Variants in SLC35F4 observed in about 807,000 individuals in gnomAD.
SLC35F4 encodes the protein chromosome 14 open reading frame 36.
A neutral mutation model predicts 44.2 loss-of-function variants in SLC35F4; 24 were observed. The observed-to-expected ratio is 0.54, with a 90% CI of 0.39 to 0.76. SLC35F4 has a LOEUF of 0.76. SLC35F4 is among the 30% of genes least tolerant of loss of function. The pLI is 0.00. For synonymous variants in SLC35F4, 238 were observed against 223.6 expected, an observed-to-expected ratio of 1.06 and a Z score of -0.57; for missense variants, 562 against 586.1, an observed-to-expected ratio of 0.96 and a Z score of 0.42.
At chr14:57,786,536 C>G (rs1183609984) in intron 1 of SLC35F4, among the ~76,000 whole-genome samples, 1 of 152,178 alleles carries the variant, frequency 6.6e-6, no homozygotes, top group Non-Finnish European at 1.5e-5. Context: ...GTCATGTCCA[C>G]AGAACAGGTG....
rs756795908 is a variant in SLC35F4, at chr14:57,633,670, C to T, written c.104-39546G>A. 8.5e-5 allele frequency among the ~76,000 whole-genome samples: 13 copies of T among 152,192 alleles called. No individual in the cohort carries two copies. The East Asian group carries it at 9.7e-4, about 11-fold the overall frequency. On this transcript the variant is annotated intron_variant, in intron 1 of 7. Coordinates refer to ENST00000556826, the MANE Select transcript of SLC35F4 (RefSeq NM_001306087.2). ...GTTTCATCACCCCCAAACTCTCTCA[C>T]GCTTTCCCTTTTTAGTCTCCCTCCT...
chr14:57,954,373 C>T (rs368548077), intron 1 of SLC35F4, among the ~76,000 whole-genome samples: 2 of 151,996 alleles, frequency 1.3e-5, no homozygotes, highest in African/African-American at 4.8e-5. Flanking sequence ...ACTAGAGAAG[C>T]AAGAGCAAAC....
intron 1 of SLC35F4, among the ~76,000 whole-genome samples, chr14:57,885,590 T>G (rs1056720632): frequency 3.3e-5 from 5 of 152,202 alleles, no homozygotes; most frequent in Non-Finnish European, 5.9e-5. Flanking sequence ...TAGGGCTATT[T>G]AAAGGTACAT....
intron 6 of SLC35F4, among the ~76,000 whole-genome samples, chr14:57,567,928 C>T (rs1490502399): frequency 6.6e-6 from 1 of 152,204 alleles, no homozygotes; most frequent in Non-Finnish European, 1.5e-5. Flanking sequence ...ACCATAGCTA[C>T]AGGAGATGTG....
chr14:57,576,913 C>T (rs2068827066), intron 4 of SLC35F4, among the ~76,000 whole-genome samples: 1 of 152,138 alleles, frequency 6.6e-6, no homozygotes, highest in Non-Finnish European at 1.5e-5. Context: ...GTTACAGATT[C>T]CTTGAGGGTG....
intron 1 of SLC35F4, among the ~76,000 whole-genome samples, chr14:57,710,810 C>T (rs2075800456): frequency 6.6e-6 from 1 of 152,054 alleles, no homozygotes; most frequent in Admixed American, 6.5e-5. Context: ...GGATATTTAA[C>T]CAATTCCTGT....
chr14:57,621,841 C>T (rs1251903619), intron 1 of SLC35F4, among the ~76,000 whole-genome samples: 4 of 148,508 alleles, frequency 2.7e-5, no homozygotes, highest in African/African-American at 7.4e-5. Context: ...CTAAAGAGTT[C>T]CTGCACAGCA....
At chr14:57,693,973 T>A (rs2075307315) in intron 1 of SLC35F4, among the ~76,000 whole-genome samples, 1 of 151,984 alleles carries the variant, frequency 6.6e-6, no homozygotes, top group Non-Finnish European at 1.5e-5. Context: ...GATGAAAAAA[T>A]TTCACCCAGT....
chr14:57,925,118 C>T (rs950647286), intron 1 of SLC35F4, among the ~76,000 whole-genome samples: 1 of 151,932 alleles, frequency 6.6e-6, no homozygotes, highest in East Asian at 1.9e-4. Flanking sequence ...CATCCCGCAC[C>T]CTCCCACCCC....
At chr14:57,842,098 G>C (rs947847992) in intron 1 of SLC35F4, among the ~76,000 whole-genome samples, 118 of 152,152 alleles carry the variant, frequency 7.8e-4, no homozygotes, top group African/African-American at 2.5e-3. Flanking sequence ...GATGCTGAGA[G>C]TGTGGGAAAG....
intron 1 of SLC35F4, among the ~76,000 whole-genome samples, chr14:57,607,330 C>A (rs1745693): frequency 0.69 from 103,996 of 151,662 alleles, 36,284 homozygotes; most frequent in Non-Finnish European, 0.75. Context: ...CAGTCAGGAA[C>A]TGGCAGAGAC....
chr14:57,645,194 C>G (rs1171142367), intron 1 of SLC35F4, among the ~76,000 whole-genome samples: 1 of 152,166 alleles, frequency 6.6e-6, no homozygotes, highest in African/African-American at 2.4e-5. Flanking sequence ...GGCATTGAAT[C>G]TATAAATTAC....
At chr14:57,580,760 A>G (rs923444437) in intron 4 of SLC35F4, among the ~76,000 whole-genome samples, 5 of 152,060 alleles carry the variant, frequency 3.3e-5, no homozygotes, top group Admixed American at 2.0e-4. Context: ...AGTGACTTTA[A>G]TTACTGTTTG....
intron 1 of SLC35F4, among the ~76,000 whole-genome samples, chr14:57,642,721 T>G (rs2073308526): frequency 6.6e-6 from 1 of 152,064 alleles, no homozygotes; most frequent in East Asian, 1.9e-4. Context: ...ATAGTTTTAA[T>G]GTTGAAAAAG....
intron 6 of SLC35F4, among the ~76,000 whole-genome samples, chr14:57,567,747 T>A (rs1407249679): frequency 6.6e-6 from 1 of 152,200 alleles, no homozygotes; most frequent in African/African-American, 2.4e-5. Flanking sequence ...ATTTATTAAA[T>A]ACAGCACAGG....
intron 1 of SLC35F4, among the ~76,000 whole-genome samples, chr14:57,633,229 A>G (rs147410202): frequency 6.6e-6 from 1 of 152,226 alleles, no homozygotes; most frequent in Non-Finnish European, 1.5e-5. Flanking sequence ...TAAGTTTTCA[A>G]CTCCTTTGAA....
At chr14:57,630,283 G>A (rs2072702681) in intron 1 of SLC35F4, 1 of 562,440 alleles carries the variant, frequency 1.8e-6, no homozygotes, top group Non-Finnish European at 3.4e-6. Context: ...AAAAGAAGGA[G>A]ATCAAGAAGG....
intron 1 of SLC35F4, among the ~76,000 whole-genome samples, chr14:57,792,420 G>C (rs958083984): frequency 1.3e-5 from 2 of 152,112 alleles, no homozygotes; most frequent in Non-Finnish European, 2.9e-5. Flanking sequence ...TATCTACCCA[G>C]AGGAAAATAA....
chr14:57,715,958 G>C (rs1458335135), intron 1 of SLC35F4, among the ~76,000 whole-genome samples: 1 of 152,176 alleles, frequency 6.6e-6, no homozygotes, highest in Admixed American at 6.5e-5. Context: ...AGATGGCATA[G>C]GTATATGCCA....
Sources: allele counts gnomAD v4.1 joint callset (sites outside exome capture counted in the v4.1 genomes callset), GRCh38; gene constraint gnomAD v4.1.1; transcripts MANE v1.5; gene names NCBI Gene and HGNC (gene_info 2026-07-23, HGNC 2026-07-21).